NBEA: variants seen among roughly 807,000 people sequenced by gnomAD.
NBEA encodes neurobeachin, also known as lysosomal-trafficking regulator 2.
NBEA carries 44 observed loss-of-function variants against 343.4 expected under a neutral mutation model. The observed-to-expected ratio is 0.13, with a 90% confidence interval of 0.10 to 0.16. NBEA has a LOEUF of 0.16. Ranked by LOEUF, NBEA falls within the 10% of genes least tolerant of loss-of-function variation. The pLI is 1.00. For synonymous variants in NBEA, 1,175 were observed against 1,238.7 expected (o/e 0.95, Z 1.08); for missense variants, 2,555 against 3,631.3 (o/e 0.70, Z 7.62).
chr13:35,100,935 A>C (rs951802503), intron 11 of NBEA, among the ~76,000 whole-genome samples: 1 of 151,904 alleles, frequency 6.6e-6, no homozygotes, highest in African/African-American at 2.4e-5. Flanking sequence ...TAAATATTTC[A>C]CATAAGTGAG....
chr13:35,548,218 T>G (rs903435851), intron 41 of NBEA, among the ~76,000 whole-genome samples: 6 of 152,154 alleles, frequency 3.9e-5, no homozygotes, highest in Admixed American at 3.3e-4. Flanking sequence ...AAGGGTGAAT[T>G]TGCACATGGA....
At chr13:34,966,608 T>C (rs1342388851) in intron 1 of NBEA, among the ~76,000 whole-genome samples, 1 of 151,448 alleles carries the variant, frequency 6.6e-6, no homozygotes, top group Non-Finnish European at 1.5e-5. Flanking sequence ...ATGTTACATA[T>C]CTCTGAGCCT....
chr13:35,154,988 T>C (rs368788398), intron 18 of NBEA, among the ~76,000 whole-genome samples: 1 of 151,098 alleles, frequency 6.6e-6, no homozygotes, highest in African/African-American at 2.4e-5. Flanking sequence ...TAATTAGCTG[T>C]GTGTGTTGGC....
At chr13:35,353,448 T>C (rs1286429461) in intron 38 of NBEA, among the ~76,000 whole-genome samples, 2 of 151,988 alleles carry the variant, frequency 1.3e-5, no homozygotes, top group Admixed American at 1.3e-4. Flanking sequence ...AAAAAAAGAT[T>C]CTGTTAGAGA....
chr13:35,483,234 G>C (rs2152968026), intron 41 of NBEA, among the ~76,000 whole-genome samples: 1 of 151,974 alleles, frequency 6.6e-6, no homozygotes, highest in South Asian at 2.1e-4. Flanking sequence ...TTAGATTTAT[G>C]AATCTGATTT....
rs916032648 is a variant in NBEA at position 35,122,214 on chromosome 13, T to TA, written c.2244-1260dup. ...AGTAAAAACTGAACAATATACTTGT[T>TA]AAAAAAAACCTTACCAAAGGATTAT... On this transcript the variant is annotated intron_variant, in intron 16 of 58. Transcript: ENST00000379939. 7.2e-5 allele frequency among the ~76,000 whole-genome samples: 11 copies of TA among 151,932 alleles called. No homozygotes were observed. The South Asian group carries it at 8.3e-4, about 11-fold the overall frequency.
At chr13:35,460,469 T>C (rs1334179397) in intron 40 of NBEA, among the ~76,000 whole-genome samples, 1 of 152,248 alleles carries the variant, frequency 6.6e-6, no homozygotes, top group Non-Finnish European at 1.5e-5. Context: ...TTTAAATTTC[T>C]AACTTAATTT....
At chr13:35,543,739 G>A (rs562927406) in intron 41 of NBEA, among the ~76,000 whole-genome samples, 1 of 152,244 alleles carries the variant, frequency 6.6e-6, no homozygotes, top group South Asian at 2.1e-4. Flanking sequence ...AAGAGAACCT[G>A]TACTATCTTA....
chr13:35,470,821 A>G (rs749257378), intron 40 of NBEA, among the ~76,000 whole-genome samples: 4 of 152,244 alleles, frequency 2.6e-5, no homozygotes, highest in Non-Finnish European at 5.9e-5. Context: ...CCTGGGGAAT[A>G]GAAACCCAAA....
intron 34 of NBEA, among the ~76,000 whole-genome samples, chr13:35,245,891 T>G (rs1011005098): frequency 1.3e-5 from 2 of 152,220 alleles, no homozygotes; most frequent in African/African-American, 4.8e-5. Context: ...TTCCAAACTT[T>G]TAGATTTCTC....
intron 31 of NBEA, among the ~76,000 whole-genome samples, chr13:35,204,748 G>A (rs2073268491): frequency 6.6e-6 from 1 of 152,060 alleles, no homozygotes; most frequent in South Asian, 2.1e-4. Context: ...TAACCTTTTT[G>A]TGGCTATGTA....
rs193140244 is a variant in NBEA at position 34,992,512 on chromosome 13, A to C, written c.295-48421A>C. Among the ~76,000 whole-genome samples the C allele has an allele frequency of 1.9e-3, 290 of 149,192 alleles. 1 individual carries two copies. The highest frequency in any genetic ancestry group is 3.2e-3 in the Non-Finnish European group (216 of 67,108). On this transcript the variant is annotated intron_variant, in intron 1 of 58. Transcript: ENST00000379939. The stretch of plus-strand genomic sequence containing the variant: ...CACCACGCCCGGCCAAGAAGCAAAT[A>C]ATTTTGGAATCTGTAGTCCCTTAAT...
intron 38 of NBEA, among the ~76,000 whole-genome samples, chr13:35,426,447 C>A (rs1045045541): frequency 1.3e-5 from 2 of 152,162 alleles, no homozygotes; most frequent in South Asian, 2.1e-4. Flanking sequence ...GTTGAAAATT[C>A]TTTTCTTTAA....
chr13:35,284,670 T>G (rs1291117767), intron 34 of NBEA, among the ~76,000 whole-genome samples: 6 of 152,162 alleles, frequency 3.9e-5, no homozygotes, highest in Non-Finnish European at 7.4e-5. Flanking sequence ...TTTTGTTTGT[T>G]TTCTTGGTTT....
intron 42 of NBEA, 26 bp from the exon 43 acceptor site, chr13:35,550,904 C>T: frequency 6.9e-7 from 1 of 1,447,924 alleles, no homozygotes; most frequent in Middle Eastern, 1.8e-4. Flanking sequence ...GTTTTCTAAA[C>T]TCTGTTTTTT....
intron 30 of NBEA, among the ~76,000 whole-genome samples, chr13:35,188,580 G>A (rs897183192): frequency 1.3e-5 from 2 of 151,888 alleles, no homozygotes; most frequent in Non-Finnish European, 2.9e-5. Context: ...CTTTTTTTAT[G>A]GGTGAATAGT....
intron 48 of NBEA, among the ~76,000 whole-genome samples, chr13:35,618,862 T>C (rs906794709): frequency 3.3e-5 from 5 of 152,054 alleles, no homozygotes; most frequent in Admixed American, 1.3e-4. Flanking sequence ...CGGATGTGCA[T>C]TGATAATCTC....
intron 37 of NBEA, among the ~76,000 whole-genome samples, chr13:35,350,024 A>G (rs973789561): frequency 2.0e-5 from 3 of 152,124 alleles, no homozygotes; most frequent in Admixed American, 6.6e-5. Flanking sequence ...GTATTCTGAG[A>G]AAGATACCAG....
At chr13:35,365,119 G>A (rs1019160811) in intron 38 of NBEA, among the ~76,000 whole-genome samples, 12 of 151,746 alleles carry the variant, frequency 7.9e-5, no homozygotes, top group African/African-American at 2.2e-4. Context: ...GTTCATTGCC[G>A]TCATCATTTC....
Sources: allele counts gnomAD v4.1 joint callset (sites outside exome capture counted in the v4.1 genomes callset), GRCh38; gene constraint gnomAD v4.1.1; transcripts MANE v1.5; gene names NCBI Gene and HGNC (gene_info 2026-07-23, HGNC 2026-07-21).